LLGL1: variants seen among roughly 807,000 people sequenced by gnomAD.
LLGL1 encodes LLGL scribble cell polarity complex component 1.
In LLGL1, 58 loss-of-function variants were observed where a neutral mutation model predicts 110.6. The ratio of observed to expected loss-of-function variants is 0.52; its 90% CI spans 0.42 to 0.65. The LOEUF (loss-of-function observed/expected upper bound fraction) is 0.65, where lower values mean the gene tolerates loss of function less well. Ranked by LOEUF, LLGL1 falls within the 30% of genes least tolerant of loss-of-function variation. The pLI is 0.00. For missense variants in LLGL1, 1,229 were observed against 1,462.1 expected, an observed-to-expected ratio of 0.84 and a Z score of 2.60; for synonymous variants, 674 against 607.2, an observed-to-expected ratio of 1.11 and a Z score of -1.62.
chr17:18,234,283 G>T lies in LLGL1; in HGVS notation c.725G>T (p.Ser242Ile). 1 of 1,603,388 alleles carries T rather than the reference G, an allele frequency of 6.2e-7. No homozygotes were observed. The highest frequency in any genetic ancestry group is 8.5e-7 in the Non-Finnish European group (1 of 1,175,200). ...HIFLGNQQLE[S>I]LCWGRDSSTV... ...CCTGCCTGCCCGCAGCAGCTGGAGA[G>T]CCTATGCTGGGGGCGTGATAGCAGC... The change falls in exon 7 of 23, where the codon AGC (serine) becomes ATC (isoleucine). Residue 242 changes from serine to isoleucine, a missense_variant. By Grantham distance (142) the Ser-to-Ile change is moderately radical (BLOSUM62 -2). Transcript: ENST00000316843.
In LLGL1 at chr17:18,240,502, C is replaced by G. The variant is rs368123115; in HGVS notation, c.2207-76C>G. 6.8e-7 allele frequency: 1 copy of G among 1,471,716 alleles called. No homozygotes were observed. The highest frequency in any genetic ancestry group is 2.3e-5 in the East Asian group (1 of 43,598). 91.2% of individuals were successfully genotyped at this position (1,471,716 alleles called of 1,614,324 possible). ...GGCTACAAGAGAGGCAGGGAGGGACCTGCAGTCTGTGGGAAGACCCCAGGG... is the reference window on the plus strand; with the variant it reads ...GGCTACAAGAGAGGCAGGGAGGGACGTGCAGTCTGTGGGAAGACCCCAGGG... On this transcript the variant is annotated intron_variant, in intron 16 of 22. Transcript: ENST00000316843. This position sits in a 1 kb window ranked among gnomAD's most constrained non-coding sequence, Gnocchi z 5.3.
rs531701689 is a variant in LLGL1, at chr17:18,226,110, C to T, written c.81+347C>T. 2.7e-3 allele frequency among the ~76,000 whole-genome samples: 406 copies of T among 152,244 alleles called. 2 individuals are homozygous for T. Among genetic ancestry groups the T allele is most frequent in the Non-Finnish European group, 5.1e-3 (344 of 68,008 alleles). On this transcript the variant is annotated intron_variant, in intron 1 of 22. Transcript: ENST00000316843. ...TTTCTCCGCCGCTGACCGGCTGTCT[C>T]GCCCCAGTTGTGCCTGTGTGTGTGG... is the stretch of plus-strand genomic sequence containing the variant.
rs1441589377 is a variant in LLGL1 at position 18,236,913 on chromosome 17, A to G, written c.1585A>G (p.Met529Val). The G allele has an allele frequency of 6.2e-7, 1 of 1,613,516 alleles. No individual in the cohort carries two copies. The highest frequency in any genetic ancestry group is 1.7e-5 in the Admixed American group (1 of 59,974). ...KVALCKYTAQ[M>V]VVAGTAGQVL... is the part of the protein sequence containing the mutation. ...TGCTCTCTGCAAGTATACAGCCCAGATGGTGGTGGCTGGCACTGCAGGCCA... is the reference window on the plus strand; with the variant it reads ...TGCTCTCTGCAAGTATACAGCCCAGGTGGTGGTGGCTGGCACTGCAGGCCA... Residue 529 changes from methionine (M) to valine (V), a missense_variant, in exon 13 of 23, where the codon ATG (methionine) becomes GTG (valine). Met to Val is a conservative substitution (Grantham distance 21). Coordinates refer to ENST00000316843, the MANE Select transcript of LLGL1 (RefSeq NM_004140.4).
chr17:18,240,536 T>A lies in LLGL1; in HGVS notation c.2207-42T>A, dbSNP rs2047804290. 1 of 1,541,674 alleles carries A rather than the reference T, an allele frequency of 6.5e-7. No individual in the cohort carries two copies. The highest frequency in any genetic ancestry group is 1.4e-5 in the African/African-American group (1 of 73,504). On this transcript the variant is annotated intron_variant, in intron 16 of 22. Transcript: ENST00000316843. This position sits in a 1 kb window ranked among gnomAD's most constrained non-coding sequence, Gnocchi z 5.3. The stretch of plus-strand genomic sequence containing the variant: ...GTGGGAAGACCCCAGGGGAGATGCC[T>A]GGCCCACAGGGAGCACCCTCCTACG...
chr17:18,243,289 A>C (rs1484407633), intron 22 of LLGL1, among the ~76,000 whole-genome samples: 1 of 152,080 alleles, frequency 6.6e-6, no homozygotes, highest in African/African-American at 2.4e-5. Context: ...TTGTGTTTTT[A>C]GTAGAGACGG....
chr17:18,232,387 C>G, intron 2 of LLGL1, 108 bp from the exon 3 acceptor site: 1 of 986,870 alleles, frequency 1.0e-6, no homozygotes. Flanking sequence ...TGGTCAGGCC[C>G]ATGCCGGGGC....
intron 13 of LLGL1, 23 bp downstream of exon 13, chr17:18,236,962 T>C: frequency 6.3e-7 from 1 of 1,582,598 alleles, no homozygotes. Context: ...GTCCCCTGGG[T>C]TGGAGATGTC....
In LLGL1 at chr17:18,229,988, C is replaced by A; in HGVS notation, c.129C>A (p.Asp43Glu). Residue 43 changes from aspartate to glutamate, a missense_variant, in exon 2 of 23, where the codon GAC becomes GAA. Transcript: ENST00000316843. ...FPNQPSALAF[D>E]PELRIMAIGT... ...ATCAGCCCAGCGCCCTGGCCTTCGACCCGGAACTTCGCATCATGGCCATCG... is the reference window on the plus strand; with the variant it reads ...ATCAGCCCAGCGCCCTGGCCTTCGAACCGGAACTTCGCATCATGGCCATCG... 1 of 1,612,420 alleles carries A rather than the reference C, an allele frequency of 6.2e-7. No homozygotes were observed. Among genetic ancestry groups the A allele is most frequent in the Non-Finnish European group, 8.5e-7 (1 of 1,179,790 alleles).
chr17:18,238,500 C>T lies in LLGL1; in HGVS notation c.2097C>T (p.His699=), dbSNP rs150963270. 6.2e-6 allele frequency: 10 copies of T among 1,612,270 alleles called. No individual in the cohort carries two copies. Among genetic ancestry groups the T allele is most frequent in the African/African-American group, 2.7e-5 (2 of 74,940 alleles). ...NAQLAEQACP[H]DVEMTPVQRR... is the part of the protein sequence containing the mutation. ...AGCTGGCTGAGCAGGCCTGCCCCCA[C>T]GACGTGGAGATGACGCCCGTGCAGC... Residue 699 remains histidine, a synonymous_variant, in exon 16 of 23, where the codon CAC becomes CAT. Transcript: ENST00000316843.
Position 18,234,692 on chromosome 17 carries a change from CTG to C in LLGL1, c.897_898del (p.Cys299Ter), listed in dbSNP as rs1219764329. Reference protein sequence around the residue: ...KAINKILWRNCESGGHFIIFS... With the variant: ...KAINKILWRNXESGGHFIIFS... Reference sequence around the variant, plus strand: ...CCATTAACAAGATTCTGTGGCGGAACTGTGAATCTGGGTAGGTCGAGGGAGTG... The same window carrying C: ...CCATTAACAAGATTCTGTGGCGGAACTGAATCTGGGTAGGTCGAGGGAGTG... On this transcript the variant is annotated frameshift_variant, in exon 8 of 23. Coordinates refer to ENST00000316843, the MANE Select transcript of LLGL1 (RefSeq NM_004140.4). LOFTEE classifies it high-confidence loss of function. 1 of 1,614,152 alleles carries C rather than the reference CTG, an allele frequency of 6.2e-7. No individual in the cohort carries two copies. The highest frequency in any genetic ancestry group is 2.2e-5 in the East Asian group (1 of 44,882).
Position 18,238,088 on chromosome 17 carries a change from C to T in LLGL1, c.1926C>T (p.Asp642=). Reference sequence around the variant, plus strand: ...CCAGGTGCACTCTTCACCCCAATGACTCCCTGGCCATGGAGGGTCCGCTCT... The same window carrying T: ...CCAGGTGCACTCTTCACCCCAATGATTCCCTGGCCATGGAGGGTCCGCTCT... ...VLARCTLHPN[D]SLAMEGPLSR... is the part of the protein sequence containing the mutation. The change falls in exon 15 of 23, where the codon GAC becomes GAT. Residue 642 remains aspartate, a synonymous_variant. Transcript: ENST00000316843. 6.2e-7 allele frequency: 1 copy of T among 1,613,870 alleles called. No individual in the cohort carries two copies. The highest frequency in any genetic ancestry group is 8.5e-7 in the Non-Finnish European group (1 of 1,180,008).
chr17:18,231,169 G>A (rs937819262), intron 2 of LLGL1, among the ~76,000 whole-genome samples: 3 of 152,134 alleles, frequency 2.0e-5, no homozygotes, highest in South Asian at 2.1e-4. Context: ...GCTGGAGCCC[G>A]GGGTCCTCTT....
chr17:18,228,667 T>A (rs981362388), intron 1 of LLGL1, among the ~76,000 whole-genome samples: 1 of 152,176 alleles, frequency 6.6e-6, no homozygotes. Flanking sequence ...GGATTTGCGA[T>A]GCAGTGTCCC....
Position 18,240,595 on chromosome 17 carries a change from A to G in LLGL1, c.2224A>G (p.Thr742Ala). The G allele has an allele frequency of 1.3e-6, 2 of 1,599,288 alleles. No homozygotes were observed. The highest frequency in any genetic ancestry group is 1.7e-6 in the Non-Finnish European group (2 of 1,169,816). Reference protein sequence around the residue: ...FLRDGAHHGPTMWAGTNSGSV... With the variant: ...FLRDGAHHGPAMWAGTNSGSV... Reference sequence around the variant, plus strand: ...TTCTGCAGGGGCCCACCACGGGCCCACCATGTGGGCTGGCACCAACTCAGG... The same window carrying G: ...TTCTGCAGGGGCCCACCACGGGCCCGCCATGTGGGCTGGCACCAACTCAGG... The change falls in exon 17 of 23, where the codon ACC becomes GCC. Residue 742 changes from threonine to alanine, a missense_variant. By Grantham distance (58) the Thr-to-Ala change is moderately conservative (BLOSUM62 0). Transcript: ENST00000316843. This position sits in a 1 kb window ranked among gnomAD's most constrained non-coding sequence, Gnocchi z 5.3.
At position 18,238,148 on chromosome 17, in the gene LLGL1, G is replaced by T. The variant is rs200739800; in HGVS notation, c.1986G>T (p.Gln662His). 234 of 1,613,646 alleles carry T rather than the reference G, an allele frequency of 1.5e-4. No individual in the cohort carries two copies. Among genetic ancestry groups the T allele is most frequent in the Admixed American group, 3.2e-4 (19 of 60,010 alleles). Residue 662 changes from glutamine (Q) to histidine (H), a missense_variant, in exon 15 of 23, where the codon CAG (glutamine) becomes CAT (histidine). Gln to His is a conservative substitution (Grantham distance 24). Transcript: ENST00000316843. ...RVKSLKKSLR[Q>H]SFRRIRKSRV... ...AGTCTCTCAAGAAGTCACTGCGCCAGTCTTTCCGGCGCATTCGCAAGAGTC... is the reference window on the plus strand; with the variant it reads ...AGTCTCTCAAGAAGTCACTGCGCCATTCTTTCCGGCGCATTCGCAAGAGTC...
chr17:18,238,484 A>G lies in LLGL1; in HGVS notation c.2081A>G (p.Glu694Gly). The G allele has an allele frequency of 6.2e-7, 1 of 1,612,044 alleles. No homozygotes were observed. The highest frequency in any genetic ancestry group is 2.2e-5 in the East Asian group (1 of 44,882). Residue 694 changes from glutamate to glycine, a missense_variant, in exon 16 of 23, where the codon GAG becomes GGG. Coordinates refer to ENST00000316843, the MANE Select transcript of LLGL1 (RefSeq NM_004140.4). ...CAGGAAGCCAATGCACAGCTGGCTGAGCAGGCCTGCCCCCACGACGTGGAG... is the reference window on the plus strand; with the variant it reads ...CAGGAAGCCAATGCACAGCTGGCTGGGCAGGCCTGCCCCCACGACGTGGAG... The part of the protein sequence containing the change: ...KLQEANAQLA[E>G]QACPHDVEMT...
chr17:18,237,191 C>T, intron 13 of LLGL1: 2 of 595,602 alleles, frequency 3.4e-6, no homozygotes, highest in Non-Finnish European at 3.0e-6. Context: ...AGGAGGTGCT[C>T]AATGTGTCCT....
In LLGL1 at chr17:18,242,173, A is replaced by T; in HGVS notation, c.2890A>T (p.Ile964Phe). The T allele has an allele frequency of 6.2e-7, 1 of 1,613,620 alleles. No individual in the cohort carries two copies. The highest frequency in any genetic ancestry group is 8.5e-7 in the Non-Finnish European group (1 of 1,179,740). ...ATGGCCCCATCTCTGCAGTTACAGGATCCGAGAGTCACCCAAGCTGAGCCA... is the reference window on the plus strand; with the variant it reads ...ATGGCCCCATCTCTGCAGTTACAGGTTCCGAGAGTCACCCAAGCTGAGCCA... ...PRDATQASYRIRESPKLSQAN... is the reference protein window; with the variant it reads ...PRDATQASYRFRESPKLSQAN... Residue 964 changes from isoleucine (I) to phenylalanine (F), a missense_variant, in exon 20 of 23, where the codon ATC (isoleucine) becomes TTC (phenylalanine). Coordinates refer to ENST00000316843, the MANE Select transcript of LLGL1 (RefSeq NM_004140.4).
At position 18,237,691 on chromosome 17, in the gene LLGL1, A is replaced by T; in HGVS notation, c.1822A>T (p.Thr608Ser). The T allele has an allele frequency of 1.2e-6, 2 of 1,612,888 alleles. No individual in the cohort carries two copies. Among genetic ancestry groups the T allele is most frequent in the Non-Finnish European group, 1.7e-6 (2 of 1,179,952 alleles). Residue 608 changes from threonine to serine, a missense_variant, in exon 14 of 23, where the codon ACC becomes TCC. Coordinates refer to ENST00000316843, the MANE Select transcript of LLGL1 (RefSeq NM_004140.4). ...PAAVTAVTLH[T>S]EWSLVAFGTS... Reference sequence around the variant, plus strand: ...TGCTGTAACCGCTGTCACACTCCACACCGAGTGGAGCCTCGTGGCTTTTGG... The same window carrying T: ...TGCTGTAACCGCTGTCACACTCCACTCCGAGTGGAGCCTCGTGGCTTTTGG...
Sources: gnomAD v4.1 joint callset for allele counts (sites outside exome capture counted in the v4.1 genomes callset) on GRCh38, gnomAD v4.1.1 for gene constraint, Gnocchi (gnomAD v3.1) non-coding constraint, MANE v1.5 for transcripts, NCBI Gene and HGNC (gene_info 2026-07-23, HGNC 2026-07-21) for gene names.